The following SMYD3 variants were observed in gnomAD, a reference collection of about 807,000 sequenced individuals.
SMYD3 encodes histone-lysine N-methyltransferase SMYD3.
Under a neutral mutation model 57.7 loss-of-function variants are expected in SMYD3, and 36 were observed. The observed-to-expected ratio is 0.62, with a 90% CI of 0.48 to 0.82. SMYD3 has a LOEUF of 0.82. Among genes scored for constraint, SMYD3 ranks in the 40% least tolerant of loss-of-function variants. The pLI is 0.00. For synonymous variants in SMYD3, 211 were observed against 195.0 expected, an observed-to-expected ratio of 1.08 and a Z score of -0.68; for missense variants, 515 against 538.8, an observed-to-expected ratio of 0.96 and a Z score of 0.44.
At chr1:246,185,291 G>A (rs142241159) in intron 5 of SMYD3, among the ~76,000 whole-genome samples, 7,513 of 152,064 alleles carry the variant, frequency 0.049, 242 homozygotes, top group Middle Eastern at 0.068. Context: ...AGGCTGGAGT[G>A]CAGTGGCGCG....
rs542351129 is a variant in SMYD3, at chr1:246,108,524, G to A, written c.532-178587C>T. The A allele has an allele frequency of 5.3e-5, 8 of 152,286 alleles. 1 individual carries two copies. In the South Asian group the frequency reaches 1.7e-3, roughly 32 times the overall value. The allele number at this position is 152,286 out of a possible 1,614,324, so 9.4% of individuals were successfully genotyped here. ...GGACTATTTAAATATCATACAAATTGATTCTGACATCACAATCACTGCCTG... is the reference window on the plus strand; with the variant it reads ...GGACTATTTAAATATCATACAAATTAATTCTGACATCACAATCACTGCCTG... On this transcript the variant is annotated intron_variant, in intron 5 of 11. Transcript: ENST00000490107.
chr1:246,170,151 CCTCA>C (rs1572148367), intron 5 of SMYD3, among the ~76,000 whole-genome samples: 1 of 151,952 alleles, frequency 6.6e-6, no homozygotes, highest in Admixed American at 6.6e-5. Context: ...GGTGTTATTT[CCTCA>C]CTATCAAAAA....
intron 2 of SMYD3, among the ~76,000 whole-genome samples, chr1:246,346,796 T>G (rs902847574): frequency 6.6e-6 from 1 of 152,026 alleles, no homozygotes; most frequent in African/African-American, 2.4e-5. Flanking sequence ...TGTCACATAC[T>G]AAAAGGCAAA....
intron 5 of SMYD3, among the ~76,000 whole-genome samples, chr1:246,258,170 G>C (rs1780792): frequency 0.059 from 8,999 of 152,148 alleles, 434 homozygotes; most frequent in African/African-American, 0.12. Context: ...CCGAGTAGCT[G>C]GGATTACAGG....
intron 5 of SMYD3, among the ~76,000 whole-genome samples, chr1:246,235,936 T>C (rs1219372642): frequency 6.6e-6 from 1 of 152,154 alleles, no homozygotes; most frequent in African/African-American, 2.4e-5. Flanking sequence ...GGCTAATGAC[T>C]ACAATACTAG....
intron 5 of SMYD3, among the ~76,000 whole-genome samples, chr1:246,059,035 C>G (rs994714799): frequency 6.6e-6 from 1 of 152,090 alleles, no homozygotes; most frequent in Non-Finnish European, 1.5e-5. Flanking sequence ...CCACCATGCC[C>G]GGCTAAATTT....
intron 1 of SMYD3, among the ~76,000 whole-genome samples, chr1:246,472,853 C>CTTTT (rs74163449): frequency 3.4e-4 from 35 of 102,918 alleles, no homozygotes; most frequent in South Asian, 6.5e-4. Context: ...TCTCAAATTT[C>CTTTT]TTTTTTTTTT....
intron 5 of SMYD3, among the ~76,000 whole-genome samples, chr1:246,261,812 C>T (rs1298305775): frequency 2.0e-5 from 3 of 152,212 alleles, no homozygotes; most frequent in Non-Finnish European, 4.4e-5. Flanking sequence ...ACATTCTGTA[C>T]AGATGGGCAT....
At chr1:246,329,082 G>A (rs539258182) in intron 4 of SMYD3, among the ~76,000 whole-genome samples, 1 of 152,266 alleles carries the variant, frequency 6.6e-6, no homozygotes, top group African/African-American at 2.4e-5. Flanking sequence ...TCTTAATCCA[G>A]TCTATCATTG....
At chr1:246,101,085 T>G (rs1387401807) in intron 5 of SMYD3, among the ~76,000 whole-genome samples, 12 of 135,194 alleles carry the variant, frequency 8.9e-5, no homozygotes, top group South Asian at 2.7e-4. Flanking sequence ...TTTTTTTTTT[T>G]TTTTTTTTTT....
chr1:246,193,348 C>G (rs2062771187), intron 5 of SMYD3, among the ~76,000 whole-genome samples: 1 of 152,224 alleles, frequency 6.6e-6, no homozygotes, highest in Admixed American at 6.5e-5. Flanking sequence ...GATGAAAAGA[C>G]TTGTCCATAA....
intron 1 of SMYD3, among the ~76,000 whole-genome samples, chr1:246,486,599 A>G (rs977378694): frequency 1.3e-5 from 2 of 152,288 alleles, no homozygotes; most frequent in East Asian, 3.9e-4. Flanking sequence ...CATTTCATTC[A>G]TTCTGTAGAT....
intron 5 of SMYD3, among the ~76,000 whole-genome samples, chr1:246,082,780 C>A (rs2060658034): frequency 1.3e-5 from 2 of 152,084 alleles, no homozygotes; most frequent in African/African-American, 4.8e-5. Context: ...AAGAAAAATT[C>A]TTCTGCCTTG....
At chr1:246,353,245 T>A (rs1044820030) in intron 2 of SMYD3, among the ~76,000 whole-genome samples, 1 of 152,188 alleles carries the variant, frequency 6.6e-6, no homozygotes, top group Non-Finnish European at 1.5e-5. Flanking sequence ...AGTGTTATAC[T>A]GGCTGGGCAC....
intron 5 of SMYD3, among the ~76,000 whole-genome samples, chr1:245,943,217 T>G (rs1464858414): frequency 1.5e-4 from 22 of 149,590 alleles, no homozygotes; most frequent in East Asian, 3.9e-4. Context: ...GAGTTTTTTT[T>G]TTTTTTTTTT....
intron 5 of SMYD3, among the ~76,000 whole-genome samples, chr1:246,133,210 T>G (rs2061614204): frequency 6.6e-6 from 1 of 152,012 alleles, no homozygotes. Flanking sequence ...AAACTCAAGT[T>G]TGAACAACTG....
chr1:246,416,996 G>A (rs1008845659), intron 1 of SMYD3, among the ~76,000 whole-genome samples: 4 of 152,130 alleles, frequency 2.6e-5, no homozygotes, highest in Admixed American at 6.5e-5. Context: ...CAGACTGTTC[G>A]TCTGTTCTTC....
chr1:245,924,148 C>T (rs1369335473), intron 7 of SMYD3, among the ~76,000 whole-genome samples: 1 of 152,160 alleles, frequency 6.6e-6, no homozygotes, highest in East Asian at 1.9e-4. Context: ...CTTTGGCCTA[C>T]CCAGCTTTCC....
intron 1 of SMYD3, among the ~76,000 whole-genome samples, chr1:246,471,161 G>A (rs1467940576): frequency 1.3e-5 from 2 of 151,884 alleles, no homozygotes; most frequent in African/African-American, 4.8e-5. Context: ...CTTTTTAAAA[G>A]CAGTTTGACC....
Sources: allele counts gnomAD v4.1 joint callset (sites outside exome capture counted in the v4.1 genomes callset), GRCh38; gene constraint gnomAD v4.1.1; transcripts MANE v1.5; gene names NCBI Gene and HGNC (gene_info 2026-07-23, HGNC 2026-07-21).